The following CPPED1 variants were observed in gnomAD, a reference collection of about 807,000 sequenced individuals.
The protein encoded by CPPED1 is serine/threonine-protein phosphatase CPPED1.
A neutral mutation model predicts 28.0 loss-of-function variants in CPPED1; 28 were observed. The observed-to-expected ratio is 1.00, with a 90% confidence interval of 0.74 to 1.37. The LOEUF (loss-of-function observed/expected upper bound fraction) is 1.37. CPPED1 is among the 40% of genes most tolerant of loss of function. The pLI is 0.00. For synonymous variants in CPPED1, 198 were observed against 180.2 expected (o/e 1.10, Z -0.79); for missense variants, 504 against 416.5 (o/e 1.21, Z -1.83).
chr16:12,732,210 G>A (rs2080201700), intron 2 of CPPED1, among the ~76,000 whole-genome samples: 1 of 147,316 alleles, frequency 6.8e-6, no homozygotes. Context: ...CCAATTACAG[G>A]ATGCTATTTT....
At chr16:12,796,443 C>T (rs927328781) in intron 1 of CPPED1, among the ~76,000 whole-genome samples, 3 of 151,972 alleles carry the variant, frequency 2.0e-5, no homozygotes, top group South Asian at 4.2e-4. Flanking sequence ...TGCAGTGAGC[C>T]GAGATCATGC....
intron 2 of CPPED1, among the ~76,000 whole-genome samples, chr16:12,748,075 C>T (rs184538279): frequency 1.3e-4 from 20 of 152,234 alleles, no homozygotes; most frequent in East Asian, 3.9e-4. Flanking sequence ...CATACCATTT[C>T]GTAGACAAAA....
intron 2 of CPPED1, among the ~76,000 whole-genome samples, chr16:12,756,687 G>C (rs1451782242): frequency 1.3e-5 from 2 of 152,088 alleles, no homozygotes; most frequent in Admixed American, 1.3e-4. Context: ...CTGGGCAACA[G>C]AGCAAGACTC....
chr16:12,665,156 C>G (rs762418759), intron 3 of CPPED1, 41 bp from the exon 4 acceptor site: 1 of 1,569,400 alleles, frequency 6.4e-7, no homozygotes, highest in Non-Finnish European at 8.6e-7. Flanking sequence ...CCGAGGACTT[C>G]CATTAGGTAA....
chr16:12,797,368 C>G (rs562672127), intron 1 of CPPED1, among the ~76,000 whole-genome samples: 13 of 152,188 alleles, frequency 8.5e-5, no homozygotes, highest in African/African-American at 3.1e-4. Flanking sequence ...CTGAGTGACA[C>G]AGCGAAACTG....
At chr16:12,762,181 T>C (rs1481927200) in intron 2 of CPPED1, among the ~76,000 whole-genome samples, 2 of 152,240 alleles carry the variant, frequency 1.3e-5, no homozygotes, top group African/African-American at 4.8e-5. Context: ...CTCCCTCTTC[T>C]GCTTAGTCCC....
At chr16:12,792,092 C>G (rs1367944632) in intron 1 of CPPED1, among the ~76,000 whole-genome samples, 1 of 152,126 alleles carries the variant, frequency 6.6e-6, no homozygotes, top group Non-Finnish European at 1.5e-5. Flanking sequence ...ACTGAGATTA[C>G]AGGAGTGCGC....
At chr16:12,774,228 T>C (rs181753322) in intron 2 of CPPED1, among the ~76,000 whole-genome samples, 4 of 152,116 alleles carry the variant, frequency 2.6e-5, no homozygotes, top group East Asian at 1.9e-4. Context: ...TCCCAGCACT[T>C]TGGGAGGCGA....
intron 3 of CPPED1, among the ~76,000 whole-genome samples, chr16:12,690,374 C>T (rs775709743): frequency 7.9e-5 from 12 of 151,546 alleles, no homozygotes; most frequent in African/African-American, 1.2e-4. Context: ...ATTAGCCAGG[C>T]GTGGTGGGGA....
rs757998198 is a variant in CPPED1, at chr16:12,665,032, T to A, written c.799A>T (p.Ile267Phe). ...QNLDMVVSSA[I>F]GCQLGRDPHG... ...GGGTCTCTGCCCAGCTGGCATCCAA[T>A]GGCAGATGACACCACCATGTCGAGG... Residue 267 changes from isoleucine (I) to phenylalanine (F), a missense_variant, in exon 4 of 4, where the codon ATT becomes TTT. Ile to Phe is a conservative substitution (Grantham distance 21, BLOSUM62 0). Transcript: ENST00000381774. 1 of 1,610,456 alleles carries A rather than the reference T, an allele frequency of 6.2e-7. No individual in the cohort carries two copies. Among genetic ancestry groups the A allele is most frequent in the South Asian group, 1.1e-5 (1 of 90,768 alleles).
intron 3 of CPPED1, among the ~76,000 whole-genome samples, chr16:12,703,377 C>T (rs913924908): frequency 1.3e-5 from 2 of 152,198 alleles, no homozygotes; most frequent in East Asian, 1.9e-4. Flanking sequence ...TTACTCTCTC[C>T]GGATTCTGGA....
Position 12,664,935 on chromosome 16 carries a change from C to G in CPPED1, c.896G>C (p.Ser299Thr). Residue 299 changes from serine (S) to threonine (T), a missense_variant, in exon 4 of 4, where the codon AGT becomes ACT. Transcript: ENST00000381774. The surrounding 1 kb of genome is among the most constrained non-coding windows in gnomAD (Gnocchi z 4.2). ...GAGATCGTCTTCTATTCCTTTCTCA[C>G]TCAGCTCATCTAGACTGTAGTATCG... ...VHRYYSLDELSEKGIEDDLMD... is the reference protein window; with the variant it reads ...VHRYYSLDELTEKGIEDDLMD... 6.2e-7 allele frequency: 1 copy of G among 1,608,200 alleles called. No homozygotes were observed. Among genetic ancestry groups the G allele is most frequent in the Non-Finnish European group, 8.5e-7 (1 of 1,178,052 alleles).
intron 2 of CPPED1, among the ~76,000 whole-genome samples, chr16:12,708,485 C>T (rs1200116080): frequency 6.6e-6 from 1 of 152,190 alleles, no homozygotes; most frequent in Non-Finnish European, 1.5e-5. Flanking sequence ...TCCCATCCCC[C>T]TAAATGTAAT....
intron 2 of CPPED1, among the ~76,000 whole-genome samples, chr16:12,706,329 A>G (rs2080050235): frequency 6.6e-6 from 1 of 151,576 alleles, no homozygotes. Context: ...GGAGTCTTAC[A>G]CTTGGTTTAA....
chr16:12,773,893 C>G (rs777200284), intron 2 of CPPED1, among the ~76,000 whole-genome samples: 1 of 152,134 alleles, frequency 6.6e-6, no homozygotes, highest in Non-Finnish European at 1.5e-5. Flanking sequence ...CACCTAAGTA[C>G]TTAACAGTAA....
chr16:12,764,861 G>A (rs1427829319), intron 2 of CPPED1, among the ~76,000 whole-genome samples: 1 of 152,156 alleles, frequency 6.6e-6, no homozygotes, highest in Non-Finnish European at 1.5e-5. Context: ...TGCTAAGCAG[G>A]GGCAAACACA....
chr16:12,763,063 T>C (rs2080418752), intron 2 of CPPED1, among the ~76,000 whole-genome samples: 1 of 152,134 alleles, frequency 6.6e-6, no homozygotes, highest in African/African-American at 2.4e-5. Context: ...ACCCCATCTC[T>C]ATTCTAAAAA....
intron 2 of CPPED1, among the ~76,000 whole-genome samples, chr16:12,736,814 CA>C: frequency 6.6e-6 from 1 of 152,216 alleles, no homozygotes; most frequent in African/African-American, 2.4e-5. Context: ...GTAAAGCAGG[CA>C]GTATATTAGA....
At chr16:12,736,497 C>A (rs2080227509) in intron 2 of CPPED1, among the ~76,000 whole-genome samples, 1 of 152,242 alleles carries the variant, frequency 6.6e-6, no homozygotes, top group South Asian at 2.1e-4. Context: ...CCTCGGCCTC[C>A]CAAAGGGCTG....
Sources: allele counts gnomAD v4.1 joint callset (sites outside exome capture counted in the v4.1 genomes callset), GRCh38; gene constraint gnomAD v4.1.1; non-coding constraint Gnocchi (gnomAD v3.1); transcripts MANE v1.5; gene names NCBI Gene and HGNC (gene_info 2026-07-23, HGNC 2026-07-21).